Variants in AMZ1 observed in about 807,000 individuals in gnomAD.
AMZ1 encodes the protein archaemetzincin-1.
A neutral mutation model predicts 29.9 loss-of-function variants in AMZ1; 39 were observed. The observed-to-expected ratio is 1.30, with a 90% CI of 1.01 to 1.70. The LOEUF is 1.70. Ranked by LOEUF, AMZ1 falls within the 40% of genes most tolerant of loss-of-function variation. AMZ1 has a pLI of 0.00. For missense variants in AMZ1, 1,041 were observed against 680.6 expected (o/e 1.53, Z -5.89); for synonymous variants, 458 against 304.0 (o/e 1.51, Z -5.27).
At chr7:2,708,118 C>G (rs73675027) in intron 3 of AMZ1, among the ~76,000 whole-genome samples, 1 of 152,136 alleles carries the variant, frequency 6.6e-6, no homozygotes, top group Admixed American at 6.5e-5. Flanking sequence ...CCACTGTGCC[C>G]GGCCTTACCG....
chr7:2,687,129 C>T (rs956863536), upstream of AMZ1, among the ~76,000 whole-genome samples: 2 of 151,948 alleles, frequency 1.3e-5, no homozygotes, highest in Non-Finnish European at 2.9e-5. Flanking sequence ...GAGTTTGATA[C>T]CAGCCTGGCC....
At position 2,731,571 on chromosome 7, in the gene AMZ1, G is replaced by C. The variant is rs1487131468; in HGVS notation, n.550+21755G>C. The C allele has an allele frequency of 1.9e-6, 3 of 1,612,766 alleles. No individual in the cohort carries two copies. Among genetic ancestry groups the C allele is most frequent in the Non-Finnish European group, 2.5e-6 (3 of 1,179,166 alleles). On this transcript the variant is annotated intron_variant and non_coding_transcript_variant, in intron 4 of 4. Coordinates refer to the AMZ1 transcript ENST00000489665. This position sits in a 1 kb window ranked among gnomAD's most constrained non-coding sequence, Gnocchi z 6.0. ...GGACCTGGTCGTACTCGCTGGAGGA[G>C]ACCATGAACAGGATGGACGTGATCC...
intron 4 of AMZ1, among the ~76,000 whole-genome samples, chr7:2,749,757 A>G (rs1390493838): frequency 6.6e-6 from 1 of 152,188 alleles, no homozygotes; most frequent in Non-Finnish European, 1.5e-5. Flanking sequence ...ACAACATCTG[A>G]AATTTTAAAA....
downstream of AMZ1, among the ~76,000 whole-genome samples, chr7:2,722,391 G>A (rs1789461398): frequency 1.3e-5 from 2 of 151,716 alleles, no homozygotes; most frequent in African/African-American, 2.4e-5. Context: ...TCCTGCCTCA[G>A]CCTCCCAAGT....
intron 5 of AMZ1, 138 bp from the exon 6 acceptor site, chr7:2,709,502 G>A (rs1032611499): frequency 2.2e-6 from 3 of 1,343,736 alleles, no homozygotes; most frequent in African/African-American, 1.5e-5. Context: ...GCCTGGGGCA[G>A]GGGGAGGGCG....
Position 2,708,342 on chromosome 7 carries a change from C to T in AMZ1, c.473-246C>T, listed in dbSNP as rs193237119. Among the ~76,000 whole-genome samples the T allele has an allele frequency of 3.5e-3, 540 of 152,328 alleles. 3 individuals carry two copies. The highest frequency in any genetic ancestry group is 5.9e-3 in the Non-Finnish European group (398 of 68,032). On this transcript the variant is annotated intron_variant, in intron 3 of 6. Coordinates refer to ENST00000683327, the MANE Select transcript of AMZ1 (RefSeq NM_001384743.1). The stretch of plus-strand genomic sequence containing the variant: ...CTTGTTGGCCCGGCTGCCTCTCCAG[C>T]GTCCCCACTGGGCTGTCCATGGCCT...
chr7:2,713,055 T>C lies in AMZ1; in HGVS notation c.*177T>C. The C allele has an allele frequency of 3.4e-6, 2 of 583,896 alleles. No individual in the cohort carries two copies. Among genetic ancestry groups the C allele is most frequent in the East Asian group, 6.8e-5 (2 of 29,346 alleles). The allele number at this position is 583,896 out of a possible 1,614,324, so 36.2% of individuals were successfully genotyped here. A position where few individuals can be genotyped will look rare whatever the true frequency, so the allele number is the denominator to read the frequency against. ...GAGTTTGAGACCAGACTGGGCAACATGGTGAGACTCTGCCTCTACAAAAGA... is the reference window on the plus strand; with the variant it reads ...GAGTTTGAGACCAGACTGGGCAACACGGTGAGACTCTGCCTCTACAAAAGA... On this transcript the variant is annotated 3_prime_UTR_variant, in exon 7 of 7. Transcript: ENST00000683327.
downstream of AMZ1, among the ~76,000 whole-genome samples, chr7:2,723,292 G>A (rs879874609): frequency 3.2e-4 from 49 of 152,316 alleles, no homozygotes; most frequent in African/African-American, 1.1e-3. Context: ...CTGTTTGCAG[G>A]GGAATGTGGC....
At chr7:2,682,542 A>T (rs1786920486) in intron 1 of AMZ1, among the ~76,000 whole-genome samples, 1 of 152,066 alleles carries the variant, frequency 6.6e-6, no homozygotes, top group Non-Finnish European at 1.5e-5. Context: ...GTGCTAGGAC[A>T]CCCCAAGTCC....
intron 4 of AMZ1, among the ~76,000 whole-genome samples, chr7:2,727,839 C>G (rs555486743): frequency 6.6e-6 from 1 of 151,908 alleles, no homozygotes; most frequent in Admixed American, 6.6e-5. Flanking sequence ...GGGCCGATCA[C>G]GAGGTCAGGA....
chr7:2,708,528 C>T lies in AMZ1; in HGVS notation c.473-60C>T, dbSNP rs980614961. The T allele has an allele frequency of 4.4e-6, 7 of 1,601,856 alleles. 1 individual carries two copies. Among genetic ancestry groups the T allele is most frequent in the South Asian group, 2.2e-5 (2 of 90,388 alleles). On this transcript the variant is annotated intron_variant, in intron 3 of 6. Transcript: ENST00000683327. ...GAGGATGACGGGGTGCCAGCCTGAG[C>T]CTGGAAGATGGGGGTCCCCGGCTGC...
In AMZ1 at chr7:2,710,496, G is replaced by A. The variant is rs531158490; in HGVS notation, c.948+680G>A. 5.3e-5 allele frequency among the ~76,000 whole-genome samples: 8 copies of A among 152,304 alleles called. No individual in the cohort carries two copies. The South Asian group carries it at 1.0e-3, about 20-fold the overall frequency. ...TGGAAAGCCCCTGCATCCTCCTCCC[G>A]CCCGTTGAGGCAAGTGGGGGTGTGG... On this transcript the variant is annotated intron_variant, in intron 6 of 6. Coordinates refer to ENST00000683327, the MANE Select transcript of AMZ1 (RefSeq NM_001384743.1).
chr7:2,740,991 G>C (rs1790470069), intron 4 of AMZ1, among the ~76,000 whole-genome samples: 1 of 152,246 alleles, frequency 6.6e-6, no homozygotes, highest in African/African-American at 2.4e-5. Context: ...CTTGCAGTGA[G>C]CTGAGATCGG....
chr7:2,723,565 G>C (rs1194091729), downstream of AMZ1, among the ~76,000 whole-genome samples: 1 of 152,144 alleles, frequency 6.6e-6, no homozygotes, highest in Non-Finnish European at 1.5e-5. Flanking sequence ...GTCGGACTGA[G>C]GAGGAGGAGG....
chr7:2,729,356 T>C (rs752166505), intron 4 of AMZ1: 1 of 152,192 alleles, frequency 6.6e-6, no homozygotes. Context: ...CTTTAAAACG[T>C]GGTCATCGGC....
intron 6 of AMZ1, among the ~76,000 whole-genome samples, chr7:2,711,607 CT>C (rs1249698758): frequency 6.6e-6 from 1 of 152,178 alleles, no homozygotes; most frequent in African/African-American, 2.4e-5. Flanking sequence ...TTTTTTCCCC[CT>C]GGTGGTCTCA....
chr7:2,739,512 G>A (rs1790390760), intron 4 of AMZ1, among the ~76,000 whole-genome samples: 1 of 152,134 alleles, frequency 6.6e-6, no homozygotes, highest in Admixed American at 6.5e-5. Flanking sequence ...GCCATTGTAT[G>A]GATATGTGGT....
At position 2,708,726 on chromosome 7, in the gene AMZ1, G is replaced by A; in HGVS notation, c.601+10G>A. On this transcript the variant is annotated intron_variant, in intron 4 of 6. Transcript: ENST00000683327. ...TTCCTTCCAGGGCACGGTGAGCCGG[G>A]GCCCCAGCAGCTGTGCGTGGGGGGT... 2 of 1,612,152 alleles carry A rather than the reference G, an allele frequency of 1.2e-6. No individual in the cohort carries two copies. Among genetic ancestry groups the A allele is most frequent in the Middle Eastern group, 1.8e-4 (1 of 5,562 alleles).
chr7:2,711,079 C>G (rs1182064946), intron 6 of AMZ1, among the ~76,000 whole-genome samples: 1 of 152,218 alleles, frequency 6.6e-6, no homozygotes. Context: ...CTGGATCCAC[C>G]TGGATCTGAG....
Sources: allele counts gnomAD v4.1 joint callset (sites outside exome capture counted in the v4.1 genomes callset), GRCh38; gene constraint gnomAD v4.1.1; non-coding constraint Gnocchi (gnomAD v3.1); transcripts MANE v1.5; gene names NCBI Gene and HGNC (gene_info 2026-07-23, HGNC 2026-07-21).